The following CLSTN2 variants were observed in gnomAD, a reference collection of about 807,000 sequenced individuals.
CLSTN2 encodes calsyntenin-2.
A neutral mutation model predicts 101.2 loss-of-function variants in CLSTN2; 48 were observed. That is an observed-to-expected ratio of 0.47 (90% CI 0.38 to 0.60). The LOEUF (loss-of-function observed/expected upper bound fraction) is 0.60, where lower values mean the gene tolerates loss of function less well. Ranked by LOEUF, CLSTN2 falls within the 20% of genes least tolerant of loss-of-function variation. The pLI, the probability that CLSTN2 is intolerant of heterozygous loss-of-function variation, is 0.00. For synonymous variants in CLSTN2, 481 were observed against 463.6 expected, an observed-to-expected ratio of 1.04 and a Z score of -0.48; for missense variants, 1,160 against 1,238.2, an observed-to-expected ratio of 0.94 and a Z score of 0.95.
chr3:140,269,823 T>G (rs1187068604), intron 2 of CLSTN2, among the ~76,000 whole-genome samples: 1 of 152,188 alleles, frequency 6.6e-6, no homozygotes, highest in Non-Finnish European at 1.5e-5. Context: ...CCCAGCTCCA[T>G]TATTCACTAG....
intron 10 of CLSTN2, among the ~76,000 whole-genome samples, chr3:140,553,807 G>A (rs1025956375): frequency 1.3e-5 from 2 of 152,180 alleles, no homozygotes; most frequent in Non-Finnish European, 2.9e-5. Flanking sequence ...GCCACCTGTG[G>A]TACAAGGTGA....
chr3:140,171,810 A>AT lies in CLSTN2; in HGVS notation c.110-4140dup, dbSNP rs2107826295. On this transcript the variant is annotated intron_variant, in intron 1 of 16. Transcript: ENST00000458420. ...ATATATAATATATAATATGTATTAT[A>AT]TATTATATATTATATATAATAACAA... 3.3e-5 allele frequency among the ~76,000 whole-genome samples: 3 copies of AT among 90,474 alleles called. No homozygotes were observed. In the South Asian group the frequency reaches 7.5e-4, roughly 22 times the overall value. The allele number at this position is 90,474 out of a possible 152,430, so 59.4% of individuals were successfully genotyped here.
intron 2 of CLSTN2, among the ~76,000 whole-genome samples, chr3:140,358,294 G>A (rs968403451): frequency 5.9e-5 from 9 of 152,072 alleles, no homozygotes; most frequent in Non-Finnish European, 1.3e-4. Context: ...GCTCTGGGCT[G>A]GGGTCAGCAG....
chr3:139,948,242 C>T (rs962206737), intron 1 of CLSTN2, among the ~76,000 whole-genome samples: 1 of 152,090 alleles, frequency 6.6e-6, no homozygotes, highest in African/African-American at 2.4e-5. Flanking sequence ...ATCATCATCA[C>T]CCTAGCTTTA....
intron 1 of CLSTN2, among the ~76,000 whole-genome samples, chr3:140,034,347 T>G (rs1366420169): frequency 6.6e-6 from 1 of 152,284 alleles, no homozygotes; most frequent in East Asian, 1.9e-4. Flanking sequence ...TTCTCATATT[T>G]TAGTCATTAA....
At chr3:140,023,248 G>A (rs1478701891) in intron 1 of CLSTN2, among the ~76,000 whole-genome samples, 1 of 152,180 alleles carries the variant, frequency 6.6e-6, no homozygotes, top group Non-Finnish European at 1.5e-5. Context: ...GGTGGCTGCT[G>A]CTGCATCCTG....
chr3:140,418,376 G>A (rs567486463), intron 4 of CLSTN2, among the ~76,000 whole-genome samples: 3 of 152,140 alleles, frequency 2.0e-5, no homozygotes, highest in Middle Eastern at 3.4e-3. Context: ...CATCAAACAC[G>A]TTTTTATTGA....
chr3:140,556,460 A>C (rs1234424505), intron 10 of CLSTN2, 53 bp from the exon 11 acceptor site: 6 of 1,596,960 alleles, frequency 3.8e-6, no homozygotes, highest in Non-Finnish European at 5.1e-6. Context: ...CTCCCATAAA[A>C]CCATGTACAT....
chr3:140,223,621 A>G (rs969198860), intron 2 of CLSTN2, among the ~76,000 whole-genome samples: 1 of 152,308 alleles, frequency 6.6e-6, no homozygotes, highest in Middle Eastern at 3.4e-3. Context: ...TGCCGGGTAG[A>G]TGTCTCTCAC....
chr3:139,988,680 G>C (rs947528249), intron 1 of CLSTN2, among the ~76,000 whole-genome samples: 2 of 152,136 alleles, frequency 1.3e-5, no homozygotes, highest in African/African-American at 4.8e-5. Context: ...GTGGTACCGT[G>C]GTGGGGAGCA....
intron 2 of CLSTN2, among the ~76,000 whole-genome samples, chr3:140,303,262 A>G (rs944223698): frequency 3.3e-5 from 5 of 152,206 alleles, no homozygotes; most frequent in African/African-American, 1.2e-4. Context: ...GAGGAACCAG[A>G]GGAGGCCAAG....
At chr3:140,307,146 C>T (rs918504633) in intron 2 of CLSTN2, among the ~76,000 whole-genome samples, 3 of 152,114 alleles carry the variant, frequency 2.0e-5, no homozygotes, top group Non-Finnish European at 4.4e-5. Flanking sequence ...CTCCTCCTTG[C>T]CTTCCACCAT....
At chr3:140,402,408 A>T (rs943530708) in intron 2 of CLSTN2, among the ~76,000 whole-genome samples, 7 of 152,328 alleles carry the variant, frequency 4.6e-5, no homozygotes, top group Non-Finnish European at 7.3e-5. Context: ...TTTATTTTTT[A>T]AAAATTGGAA....
rs775555977 is a variant in CLSTN2, at chr3:140,363,492, C to T, written c.233-40137C>T. On this transcript the variant is annotated intron_variant, in intron 2 of 16. Coordinates refer to ENST00000458420, the MANE Select transcript of CLSTN2 (RefSeq NM_022131.3). ...TTAATTTTAAGGTATGTAAATACTTCAATGAAATTGCTTTAAAAAATAGAT... is the reference window on the plus strand; with the variant it reads ...TTAATTTTAAGGTATGTAAATACTTTAATGAAATTGCTTTAAAAAATAGAT... Among the ~76,000 whole-genome samples the T allele has an allele frequency of 7.9e-4, 121 of 152,292 alleles. 1 individual carries two copies. Among genetic ancestry groups the T allele is most frequent in the Non-Finnish European group, 1.2e-3 (85 of 68,032 alleles).
At chr3:140,450,109 C>T (rs930031301) in intron 6 of CLSTN2, 2 of 152,168 alleles carry the variant, frequency 1.3e-5, no homozygotes, top group Non-Finnish European at 2.9e-5. Context: ...CTGCCAGCCT[C>T]TTCACATGCA....
intron 2 of CLSTN2, among the ~76,000 whole-genome samples, chr3:140,283,441 C>T (rs978853593): frequency 6.6e-6 from 1 of 152,136 alleles, no homozygotes; most frequent in African/African-American, 2.4e-5. Flanking sequence ...TTCATGCTTC[C>T]CTTTTATCCT....
intron 2 of CLSTN2, among the ~76,000 whole-genome samples, chr3:140,328,484 C>G (rs2087352001): frequency 6.6e-6 from 1 of 152,224 alleles, no homozygotes; most frequent in Non-Finnish European, 1.5e-5. Context: ...TCCCACTCCT[C>G]TTTACCCTCG....
chr3:140,389,619 A>C (rs891530856), intron 2 of CLSTN2, among the ~76,000 whole-genome samples: 1 of 152,148 alleles, frequency 6.6e-6, no homozygotes, highest in Non-Finnish European at 1.5e-5. Flanking sequence ...TTTATAATAG[A>C]ATGATTTATA....
intron 1 of CLSTN2, among the ~76,000 whole-genome samples, chr3:140,028,515 C>T (rs376463076): frequency 8.5e-5 from 13 of 152,234 alleles, no homozygotes; most frequent in East Asian, 3.9e-4. Flanking sequence ...ATACAGATAC[C>T]GTATTTCATC....
Sources: allele counts gnomAD v4.1 joint callset (sites outside exome capture counted in the v4.1 genomes callset), GRCh38; gene constraint gnomAD v4.1.1; transcripts MANE v1.5; gene names NCBI Gene and HGNC (gene_info 2026-07-23, HGNC 2026-07-21).